Variants in ESRRB observed in about 807,000 individuals in gnomAD.
ESRRB encodes the protein steroid hormone receptor ERR2.
In ESRRB, 16 loss-of-function variants were observed where a neutral mutation model predicts 46.0. The observed-to-expected ratio is 0.35, with a 90% CI of 0.24 to 0.53. ESRRB has a LOEUF of 0.53. ESRRB is among the 20% of genes least tolerant of loss of function. The pLI is 0.93. For missense variants in ESRRB, 488 were observed against 607.4 expected (o/e 0.80, Z 2.07); for synonymous variants, 246 against 259.6 (o/e 0.95, Z 0.50).
In ESRRB at chr14:76,499,799, T is replaced by C. The variant is rs868815677; in HGVS notation, c.*1341T>C. The C allele has an allele frequency of 3.6e-6, 5 of 1,376,164 alleles. No individual in the cohort carries two copies. The highest frequency in any genetic ancestry group is 3.6e-4 in the Middle Eastern group (2 of 5,588). 85.2% of individuals were successfully genotyped at this position (1,376,164 alleles called of 1,614,324 possible). A position where few individuals can be genotyped will look rare whatever the true frequency, so the allele number is the denominator to read the frequency against. ...GGGACAGTGGGTCACTCTATTTCTG[T>C]GGATGGCCGTGAAAGTTTTCACTAA... On this transcript the variant is annotated 3_prime_UTR_variant, in exon 7 of 7. Transcript: ENST00000644823.
chr14:76,325,222 CT>C (rs1325011862), intron 1 of ESRRB, among the ~76,000 whole-genome samples: 1 of 152,144 alleles, frequency 6.6e-6, no homozygotes, highest in Non-Finnish European at 1.5e-5. Context: ...TCCCAAAGTG[CT>C]GGGATTACAG....
intron 2 of ESRRB, among the ~76,000 whole-genome samples, chr14:76,452,568 C>T (rs1236236539): frequency 2.0e-5 from 3 of 148,098 alleles, no homozygotes; most frequent in African/African-American, 5.1e-5. Context: ...TGTAGTGAGC[C>T]GAGATCAGGC....
intron 1 of ESRRB, among the ~76,000 whole-genome samples, chr14:76,343,302 A>G (rs1884212855): frequency 1.3e-5 from 2 of 152,194 alleles, no homozygotes; most frequent in African/African-American, 4.8e-5. Context: ...AAGTCATGGG[A>G]TGGTTTTAAG....
intron 1 of ESRRB, among the ~76,000 whole-genome samples, chr14:76,359,952 G>T (rs1460167204): frequency 6.6e-6 from 1 of 152,230 alleles, no homozygotes; most frequent in African/African-American, 2.4e-5. Flanking sequence ...TTCAGGTATG[G>T]TTGGATCCAG....
Position 76,498,446 on chromosome 14 carries a change from G to A in ESRRB, c.1353G>A (p.Glu451=). Residue 451 remains glutamate (E), a synonymous_variant, in exon 7 of 7, where the codon GAG becomes GAA. Transcript: ENST00000644823. Reference sequence around the variant, plus strand: ...ACAAACTCTTCCTGGAGATGCTGGAGGCCAAGGTGTGATGGCCCCGCACAC... The same window carrying A: ...ACAAACTCTTCCTGGAGATGCTGGAAGCCAAGGTGTGATGGCCCCGCACAC... The part of the protein sequence containing the change: ...PMHKLFLEML[E]AKV 1.9e-6 allele frequency: 3 copies of A among 1,613,384 alleles called. No homozygotes were observed. The highest frequency in any genetic ancestry group is 1.3e-5 in the African/African-American group (1 of 75,068).
chr14:76,498,018 T>C (rs779368651), intron 6 of ESRRB, among the ~76,000 whole-genome samples, 196 bp from the exon 7 acceptor site: 4 of 152,092 alleles, frequency 2.6e-5, no homozygotes, highest in Admixed American at 6.5e-5. Flanking sequence ...TAGACGCCAG[T>C]CTCTCCCTGG....
intron 1 of ESRRB, among the ~76,000 whole-genome samples, chr14:76,409,497 A>G (rs1053631092): frequency 1.3e-5 from 2 of 151,346 alleles, no homozygotes; most frequent in Admixed American, 6.6e-5. Flanking sequence ...TGTACATTTT[A>G]TCTCTGCAGA....
intron 1 of ESRRB, among the ~76,000 whole-genome samples, chr14:76,433,554 A>G (rs1887544336): frequency 6.6e-6 from 1 of 152,194 alleles, no homozygotes; most frequent in South Asian, 2.1e-4. Context: ...CACAGCCTCC[A>G]AGTCCAGGAG....
intron 1 of ESRRB, among the ~76,000 whole-genome samples, chr14:76,354,033 G>C (rs1034538880): frequency 1.6e-4 from 25 of 152,144 alleles, no homozygotes; most frequent in Non-Finnish European, 2.9e-4. Context: ...CTAGCAGCCT[G>C]ACTCCAAGCC....
rs35544003 is a variant in ESRRB at position 76,439,434 on chromosome 14, C to A, written c.144C>A (p.Ile48=). ...AGCCGTCCAGCCCGTCCTCGGGCAT[C>A]GATGCCCTCAGCCACCACAGCCCCA... The part of the protein sequence containing the change: ...KTEPSSPSSG[I]DALSHHSPSG... Residue 48 remains isoleucine (I), a synonymous_variant, in exon 2 of 7, where the codon ATC becomes ATA. Coordinates refer to ENST00000644823, the MANE Select transcript of ESRRB (RefSeq NM_001379180.1). 0.065 allele frequency: 104,414 copies of A among 1,613,444 alleles called. 4,914 individuals are homozygous for A. Among genetic ancestry groups the A allele is most frequent in the East Asian group, 0.25 (11,141 of 44,850 alleles).
chr14:76,333,874 C>T (rs1427674162), intron 1 of ESRRB, among the ~76,000 whole-genome samples: 1 of 151,858 alleles, frequency 6.6e-6, no homozygotes, highest in Non-Finnish European at 1.5e-5. Context: ...CCTCGGCTAC[C>T]ATGTTTGACT....
chr14:76,345,828 G>A (rs372893560), intron 1 of ESRRB, among the ~76,000 whole-genome samples: 1 of 152,126 alleles, frequency 6.6e-6, no homozygotes, highest in Non-Finnish European at 1.5e-5. Context: ...CAGACCTTCC[G>A]GGCTCTGTCT....
chr14:76,337,610 A>T (rs1381398978), intron 1 of ESRRB, among the ~76,000 whole-genome samples: 1 of 152,200 alleles, frequency 6.6e-6, no homozygotes, highest in Non-Finnish European at 1.5e-5. Flanking sequence ...AAGCTTCATC[A>T]GCAAGCTTTC....
At chr14:76,451,917 G>T (rs1888398605) in intron 2 of ESRRB, among the ~76,000 whole-genome samples, 1 of 148,776 alleles carries the variant, frequency 6.7e-6, no homozygotes, top group African/African-American at 2.5e-5. Flanking sequence ...GGGATTACAG[G>T]CGTCTGCCAC....
intron 2 of ESRRB, among the ~76,000 whole-genome samples, chr14:76,440,240 A>G (rs948402739): frequency 1.3e-5 from 2 of 151,566 alleles, no homozygotes; most frequent in African/African-American, 4.9e-5. Flanking sequence ...GGCCAAGGCC[A>G]GAGGATAGGT....
chr14:76,487,126 A>G (rs559265950), intron 5 of ESRRB, among the ~76,000 whole-genome samples: 4 of 152,286 alleles, frequency 2.6e-5, no homozygotes, highest in African/African-American at 9.6e-5. Flanking sequence ...TATGTCCCCC[A>G]GTCCATGGGC....
At chr14:76,415,645 G>A (rs1886665703) in intron 1 of ESRRB, among the ~76,000 whole-genome samples, 1 of 152,134 alleles carries the variant, frequency 6.6e-6, no homozygotes, top group Non-Finnish European at 1.5e-5. Flanking sequence ...GGGCGAAAGA[G>A]TGAGACTCTA....
At chr14:76,486,444 G>T (rs983029778) in intron 5 of ESRRB, among the ~76,000 whole-genome samples, 2 of 152,178 alleles carry the variant, frequency 1.3e-5, no homozygotes, top group Non-Finnish European at 2.9e-5. Context: ...GTCTGAAGTG[G>T]CCCCAGATCC....
At chr14:76,426,006 G>A (rs926386467) in intron 1 of ESRRB, among the ~76,000 whole-genome samples, 2 of 152,226 alleles carry the variant, frequency 1.3e-5, no homozygotes. Flanking sequence ...CTATTTGGCT[G>A]TTTACTTATC....
Sources: allele counts gnomAD v4.1 joint callset (sites outside exome capture counted in the v4.1 genomes callset), GRCh38; gene constraint gnomAD v4.1.1; transcripts MANE v1.5; gene names NCBI Gene and HGNC (gene_info 2026-07-23, HGNC 2026-07-21).